The following GRM1 variants were observed in gnomAD, a reference collection of about 807,000 sequenced individuals.
GRM1 encodes the protein glutamate metabotropic receptor 1, also known as metabotropic glutamate receptor 1.
GRM1 carries 33 observed loss-of-function variants against 90.9 expected under a neutral mutation model. The ratio of observed to expected loss-of-function variants is 0.36; its 90% CI spans 0.28 to 0.49. The LOEUF (loss-of-function observed/expected upper bound fraction) is 0.49, where lower values mean the gene tolerates loss of function less well. GRM1 is among the 20% of genes least tolerant of loss of function. The probability of loss-of-function intolerance (pLI) is 0.99; values close to 1 mark genes in which losing one functional copy is unlikely to be tolerated. For missense variants in GRM1, 1,190 were observed against 1,534.3 expected, an observed-to-expected ratio of 0.78 and a Z score of 3.75; for synonymous variants, 700 against 613.2, an observed-to-expected ratio of 1.14 and a Z score of -2.09.
intron 1 of GRM1, among the ~76,000 whole-genome samples, chr6:146,126,321 C>T (rs750053537): frequency 4.6e-5 from 7 of 151,990 alleles, no homozygotes; most frequent in Admixed American, 1.3e-4. Flanking sequence ...AAAGAAAGAG[C>T]AACCATAACC....
intron 1 of GRM1, among the ~76,000 whole-genome samples, chr6:146,055,852 T>C (rs1201673835): frequency 6.6e-6 from 1 of 152,132 alleles, no homozygotes; most frequent in Non-Finnish European, 1.5e-5. Context: ...ATTTACTTTA[T>C]TTAGTGAATT....
At chr6:146,056,659 T>A (rs916908028) in intron 1 of GRM1, among the ~76,000 whole-genome samples, 1 of 152,150 alleles carries the variant, frequency 6.6e-6, no homozygotes, top group African/African-American at 2.4e-5. Context: ...TGATATGTAA[T>A]TGAGTAGCTT....
chr6:146,134,970 G>C (rs1006676775), intron 1 of GRM1, among the ~76,000 whole-genome samples: 3 of 151,864 alleles, frequency 2.0e-5, no homozygotes, highest in African/African-American at 7.3e-5. Flanking sequence ...CAGCATGGGG[G>C]GACCACCCCC....
At chr6:146,040,774 G>GATTT (rs1192445326) in intron 1 of GRM1, among the ~76,000 whole-genome samples, 20 of 151,948 alleles carry the variant, frequency 1.3e-4, no homozygotes, top group African/African-American at 4.6e-4. Flanking sequence ...TGTACCTAGA[G>GATTT]ATTTATATTT....
At chr6:146,305,951 G>T (rs1783564659) in intron 3 of GRM1, among the ~76,000 whole-genome samples, 1 of 152,144 alleles carries the variant, frequency 6.6e-6, no homozygotes. Context: ...GGGATGGTAA[G>T]AATATGGCTA....
At chr6:146,318,221 A>G (rs1399634031) in intron 3 of GRM1, among the ~76,000 whole-genome samples, 1 of 151,480 alleles carries the variant, frequency 6.6e-6, no homozygotes, top group Non-Finnish European at 1.5e-5. Context: ...TCATTGTTCA[A>G]CTCCCACTTA....
chr6:146,052,369 C>T (rs563305627), intron 1 of GRM1, among the ~76,000 whole-genome samples: 2 of 151,974 alleles, frequency 1.3e-5, no homozygotes, highest in Non-Finnish European at 2.9e-5. Flanking sequence ...TTACATTTAT[C>T]TAGGGAGCTT....
chr6:146,172,675 A>G (rs905124793), intron 2 of GRM1, among the ~76,000 whole-genome samples: 3 of 152,206 alleles, frequency 2.0e-5, no homozygotes, highest in Non-Finnish European at 4.4e-5. Flanking sequence ...AGGTCTTAGC[A>G]CAGTGATACT....
chr6:146,348,264 A>G (rs1339358048), intron 3 of GRM1, among the ~76,000 whole-genome samples: 2 of 152,240 alleles, frequency 1.3e-5, no homozygotes, highest in African/African-American at 4.8e-5. Context: ...CCATGAAAAT[A>G]TAGGAGCTTT....
chr6:146,111,256 C>G (rs1775547931), intron 1 of GRM1, among the ~76,000 whole-genome samples: 1 of 152,146 alleles, frequency 6.6e-6, no homozygotes, highest in Non-Finnish European at 1.5e-5. Context: ...GGATTTGGAG[C>G]CATCTGGGTT....
At chr6:146,092,895 A>G (rs1430365137) in intron 1 of GRM1, among the ~76,000 whole-genome samples, 1 of 152,144 alleles carries the variant, frequency 6.6e-6, no homozygotes, top group Non-Finnish European at 1.5e-5. Context: ...CAAGAGGAGG[A>G]ACAATTTACA....
At chr6:146,404,407 A>G (rs1777262679) in intron 7 of GRM1, among the ~76,000 whole-genome samples, 1 of 152,126 alleles carries the variant, frequency 6.6e-6, no homozygotes, top group South Asian at 2.1e-4. Flanking sequence ...AATATAACTA[A>G]ATGTACTGTG....
chr6:146,042,663 A>T (rs1016896453), intron 1 of GRM1, among the ~76,000 whole-genome samples: 24 of 152,040 alleles, frequency 1.6e-4, no homozygotes, highest in African/African-American at 5.8e-4. Context: ...GGTCAAATAC[A>T]AATAGAGCAT....
At chr6:146,325,955 T>C (rs1784385532) in intron 3 of GRM1, among the ~76,000 whole-genome samples, 1 of 152,230 alleles carries the variant, frequency 6.6e-6, no homozygotes, top group Admixed American at 6.5e-5. Flanking sequence ...TTTTGGCCTT[T>C]GAGTTTTTAA....
chr6:146,061,639 A>G (rs1016719472), intron 1 of GRM1, among the ~76,000 whole-genome samples: 4 of 152,236 alleles, frequency 2.6e-5, no homozygotes, highest in Admixed American at 6.5e-5. Flanking sequence ...AAACAACCCC[A>G]TCAAAAACTG....
At chr6:146,091,453 G>C (rs763395825) in intron 1 of GRM1, among the ~76,000 whole-genome samples, 41 of 152,066 alleles carry the variant, frequency 2.7e-4, no homozygotes, top group Admixed American at 1.6e-3. Flanking sequence ...TGACATTGAA[G>C]CTGAGCTTTA....
chr6:146,428,136 A>G (rs1293425155), intron 7 of GRM1, among the ~76,000 whole-genome samples: 4 of 152,218 alleles, frequency 2.6e-5, no homozygotes, highest in Non-Finnish European at 5.9e-5. Flanking sequence ...TTCAGACCAT[A>G]AAGGATTAGG....
At chr6:146,346,061 T>C (rs362867) in intron 3 of GRM1, among the ~76,000 whole-genome samples, 13 of 152,252 alleles carry the variant, frequency 8.5e-5, no homozygotes, top group Admixed American at 8.5e-4. Context: ...CTGTTACTGA[T>C]TGATCCTCGG....
chr6:146,305,068 G>A lies in GRM1; in HGVS notation c.1186+222G>A, dbSNP rs147817586. ...TGGTCTCTGTTGGAGCAAGTGATAC[G>A]AGATAACAGAAGTAAAGGAAAAGCA... On this transcript the variant is annotated intron_variant, in intron 3 of 7. Coordinates refer to ENST00000282753, the MANE Select transcript of GRM1 (RefSeq NM_001278064.2). Among the ~76,000 whole-genome samples, 788 of 150,362 alleles carry A rather than the reference G, an allele frequency of 5.2e-3. 10 individuals carry two copies. In the Middle Eastern group the frequency reaches 0.078, roughly 15 times the overall value.
Sources: gnomAD v4.1 joint callset for allele counts (sites outside exome capture counted in the v4.1 genomes callset) on GRCh38, gnomAD v4.1.1 for gene constraint, MANE v1.5 for transcripts, NCBI Gene and HGNC (gene_info 2026-07-23, HGNC 2026-07-21) for gene names.